The following SMG1 variants were observed in gnomAD, a reference collection of about 807,000 sequenced individuals.
SMG1 encodes serine/threonine-protein kinase SMG1.
SMG1 carries 22 observed loss-of-function variants against 419.9 expected under a neutral mutation model. That is an observed-to-expected ratio of 0.05 (90% CI 0.04 to 0.07). The LOEUF (loss-of-function observed/expected upper bound fraction) is 0.07. Ranked by LOEUF, SMG1 falls within the 10% of genes least tolerant of loss-of-function variation. The pLI is 1.00. For missense variants in SMG1, 3,185 were observed against 4,342.0 expected, an observed-to-expected ratio of 0.73 and a Z score of 7.49; for synonymous variants, 1,538 against 1,553.5, an observed-to-expected ratio of 0.99 and a Z score of 0.23.
intron 1 of SMG1, among the ~76,000 whole-genome samples, chr16:18,907,777 G>A (rs535814688): frequency 2.5e-4 from 36 of 145,984 alleles, no homozygotes; most frequent in South Asian, 2.2e-4. Context: ...ATTTGAACCC[G>A]GGAGGCAGAG....
intron 1 of SMG1, among the ~76,000 whole-genome samples, chr16:18,923,450 G>T (rs2038273582): frequency 6.6e-6 from 1 of 152,074 alleles, no homozygotes; most frequent in African/African-American, 2.4e-5. Flanking sequence ...CCAAGAACAG[G>T]CTGGCCAACA....
intron 1 of SMG1, among the ~76,000 whole-genome samples, chr16:18,903,833 T>G (rs1403691560): frequency 6.6e-6 from 1 of 152,072 alleles, no homozygotes; most frequent in East Asian, 1.9e-4. Context: ...CACATACAGC[T>G]TTTCTTCCCA....
chr16:18,812,862 T>C (rs1189951687), intron 60 of SMG1, among the ~76,000 whole-genome samples: 1 of 152,112 alleles, frequency 6.6e-6, no homozygotes, highest in Non-Finnish European at 1.5e-5. Context: ...ATGTTCCCCT[T>C]CCTGTGTCCA....
At chr16:18,890,230 T>C (rs2036816637) in intron 5 of SMG1, among the ~76,000 whole-genome samples, 1 of 152,232 alleles carries the variant, frequency 6.6e-6, no homozygotes, top group Non-Finnish European at 1.5e-5. Flanking sequence ...CCAAGCAGTT[T>C]CAAATTCTCT....
At chr16:18,880,687 C>T (rs1350212886) in intron 10 of SMG1, among the ~76,000 whole-genome samples, 1 of 122,214 alleles carries the variant, frequency 8.2e-6, no homozygotes, top group Non-Finnish European at 1.6e-5. Context: ...TGCACTCCAG[C>T]GTGGGCAACA....
rs768153286 is a variant in SMG1, at chr16:18,829,577, G to A, written c.9312C>T (p.Leu3104=). ...LIGLPNQALG[L]TLCSFISALG... ...GAGCACTGATAAAACTGCACAGTGT[G>A]AGTCCGAGGGCTTGGTTGGGTAGCC... Residue 3104 remains leucine (L), a synonymous_variant, in exon 54 of 63, where the codon CTC becomes CTT. Coordinates refer to ENST00000446231, the MANE Select transcript of SMG1 (RefSeq NM_015092.5). 6.2e-7 allele frequency: 1 copy of A among 1,614,000 alleles called. No individual in the cohort carries two copies. The highest frequency in any genetic ancestry group is 1.1e-5 in the South Asian group (1 of 91,088).
intron 1 of SMG1, among the ~76,000 whole-genome samples, chr16:18,921,137 C>CAAAAA (rs548882021): frequency 1.3e-5 from 1 of 77,714 alleles, no homozygotes. Flanking sequence ...AACTCTGTCT[C>CAAAAA]AAAAAAAAAA....
At chr16:18,820,000 T>C (rs1424472963) in intron 55 of SMG1, among the ~76,000 whole-genome samples, 1 of 152,182 alleles carries the variant, frequency 6.6e-6, no homozygotes, top group East Asian at 1.9e-4. Context: ...AGTCTCACTC[T>C]GTCACCCAGG....
At chr16:18,923,329 A>G (rs561728169) in intron 1 of SMG1, among the ~76,000 whole-genome samples, 1 of 152,248 alleles carries the variant, frequency 6.6e-6, no homozygotes, top group African/African-American at 2.4e-5. Flanking sequence ...ACTAAAAGAA[A>G]TCAACAAGTG....
At chr16:18,818,967 C>T (rs892728772) in intron 56 of SMG1, among the ~76,000 whole-genome samples, 1 of 152,134 alleles carries the variant, frequency 6.6e-6, no homozygotes, top group Non-Finnish European at 1.5e-5. Flanking sequence ...CAGGTACCCA[C>T]CACCACACCC....
chr16:18,913,778 T>G (rs562738029), intron 1 of SMG1, among the ~76,000 whole-genome samples: 142 of 149,252 alleles, frequency 9.5e-4, no homozygotes, highest in African/African-American at 3.4e-3. Flanking sequence ...AAAAGGGTAA[T>G]AAAAAAAAAA....
chr16:18,815,870 G>A (rs1465349786), intron 58 of SMG1: 2 of 540,340 alleles, frequency 3.7e-6, no homozygotes, highest in African/African-American at 1.9e-5. Flanking sequence ...TTGTAATGAT[G>A]AAGTAATAGC....
intron 1 of SMG1, among the ~76,000 whole-genome samples, chr16:18,909,638 A>G (rs994963982): frequency 1.3e-4 from 20 of 152,270 alleles, no homozygotes; most frequent in Non-Finnish European, 4.4e-5. Flanking sequence ...AAGTAATTCC[A>G]GAAGATATGG....
At chr16:18,911,157 T>C (rs189091953) in intron 1 of SMG1, among the ~76,000 whole-genome samples, 29 of 152,280 alleles carry the variant, frequency 1.9e-4, no homozygotes, top group Admixed American at 1.2e-3. Context: ...ATGCTGAAAT[T>C]TCTTATTGTT....
At position 18,838,398 on chromosome 16, in the gene SMG1, C is replaced by T; in HGVS notation, c.7153G>A (p.Val2385Ile). The change falls in exon 44 of 63, where the codon GTA (valine) becomes ATA (isoleucine). Residue 2385 changes from valine to isoleucine, a missense_variant. Val to Ile is a conservative substitution (Grantham distance 29). Transcript: ENST00000446231. Reference protein sequence around the residue: ...MTQNIETALGVTGVEGVFRLS... With the variant: ...MTQNIETALGITGVEGVFRLS... ...CTAAATACACCTTCTACTCCAGTTA[C>T]ACCCAGTGCTGTTTCAATGTTTTGT... The T allele has an allele frequency of 1.9e-6, 3 of 1,613,538 alleles. No individual in the cohort carries two copies. Among genetic ancestry groups the T allele is most frequent in the Non-Finnish European group, 2.5e-6 (3 of 1,179,766 alleles).
rs1463504816 is a variant in SMG1, at chr16:18,815,296, A to G, written c.10515-15T>C. 1.3e-6 allele frequency: 2 copies of G among 1,552,624 alleles called. No individual in the cohort carries two copies. The highest frequency in any genetic ancestry group is 1.9e-5 in the Admixed American group (1 of 52,968). ...TATTATAGATACTGAAATACAAAAT[A>G]AAATGGCTTATTTACGAAATGTTTT... On this transcript the variant is annotated splice_polypyrimidine_tract_variant and intron_variant, in intron 59 of 62. Transcript: ENST00000446231.
At chr16:18,874,128 ACTTT>A (rs1248403242) in intron 13 of SMG1, among the ~76,000 whole-genome samples, 12 of 152,126 alleles carry the variant, frequency 7.9e-5, no homozygotes, top group South Asian at 2.1e-4. Flanking sequence ...TATGTCCATT[ACTTT>A]CTTTCTTTGT....
chr16:18,919,858 C>T (rs1596666967), intron 1 of SMG1, among the ~76,000 whole-genome samples: 1 of 151,900 alleles, frequency 6.6e-6, no homozygotes, highest in East Asian at 1.9e-4. Context: ...TCCCAGCACT[C>T]TGAGAAGCCG....
At chr16:18,839,677 A>G (rs765228462) in intron 42 of SMG1, 21 bp downstream of exon 42, 1 of 1,613,818 alleles carries the variant, frequency 6.2e-7, no homozygotes, top group South Asian at 1.1e-5. Context: ...TACTGAGTAT[A>G]GTCTAAAACA....
Sources: gnomAD v4.1 joint callset for allele counts (sites outside exome capture counted in the v4.1 genomes callset) on GRCh38, gnomAD v4.1.1 for gene constraint, MANE v1.5 for transcripts, NCBI Gene and HGNC (gene_info 2026-07-23, HGNC 2026-07-21) for gene names.